Variants in NEBL observed in about 807,000 individuals in gnomAD.
NEBL encodes nebulette, also known as LIM and SH3 protein 2.
A neutral mutation model predicts 140.2 loss-of-function variants in NEBL; 122 were observed. The observed-to-expected ratio is 0.87, with a 90% confidence interval of 0.75 to 1.01. The LOEUF is 1.01. Ranked by LOEUF, NEBL falls within the 50% of genes least tolerant of loss-of-function variation. NEBL has a pLI of 0.00. For synonymous variants in NEBL, 436 were observed against 398.9 expected, an observed-to-expected ratio of 1.09 and a Z score of -1.11; for missense variants, 1,365 against 1,231.3, an observed-to-expected ratio of 1.11 and a Z score of -1.62.
intron 2 of NEBL, among the ~76,000 whole-genome samples, chr10:21,162,116 A>C (rs1353442424): frequency 6.6e-6 from 1 of 152,222 alleles, no homozygotes; most frequent in African/African-American, 2.4e-5. Flanking sequence ...AACTCTGGAT[A>C]CCAAAGATTG....
At chr10:20,965,742 A>G (rs376677907) in intron 3 of NEBL, among the ~76,000 whole-genome samples, 72 of 152,310 alleles carry the variant, frequency 4.7e-4, no homozygotes, top group African/African-American at 1.7e-3. Context: ...CAGACGCGAG[A>G]AGCCCAGGTA....
At chr10:21,269,754 T>C (rs1370864503) in intron 1 of NEBL, among the ~76,000 whole-genome samples, 1 of 152,202 alleles carries the variant, frequency 6.6e-6, no homozygotes, top group African/African-American at 2.4e-5. Context: ...TTTGCATATA[T>C]AGTGAGAGTA....
chr10:20,987,804 C>T (rs796546098), intron 3 of NEBL, among the ~76,000 whole-genome samples: 4 of 152,254 alleles, frequency 2.6e-5, no homozygotes, highest in African/African-American at 7.2e-5. Flanking sequence ...TACCAGCACC[C>T]CTTATTTTTC....
intron 4 of NEBL, among the ~76,000 whole-genome samples, chr10:20,902,345 G>A (rs1039231784): frequency 6.6e-6 from 1 of 152,012 alleles, no homozygotes; most frequent in Admixed American, 6.6e-5. Context: ...GGCAGAGCTT[G>A]CAGTGAGCCA....
chr10:21,270,110 A>G (rs1339447694), intron 1 of NEBL, among the ~76,000 whole-genome samples: 2 of 152,212 alleles, frequency 1.3e-5, no homozygotes, highest in East Asian at 3.8e-4. Flanking sequence ...TCCCCAAAGC[A>G]AAACTCTGGA....
Position 21,028,235 on chromosome 10 carries a change from CAAAAAA to C in NEBL, c.165-8040_165-8035del, listed in dbSNP as rs1168946872. ...GAGCGAGACTCCATCTCAAACATCT[CAAAAAA>C]AAAAAAAAAAAAAAAGAAGAAGAAG... On this transcript the variant is annotated intron_variant, in intron 2 of 6. Transcript: ENST00000417816. Among the ~76,000 whole-genome samples the C allele has an allele frequency of 4.4e-4, 29 of 66,226 alleles. 2 individuals are homozygous for C. Among genetic ancestry groups the C allele is most frequent in the Middle Eastern group, 0.01 (1 of 100 alleles). The allele number at this position is 66,226 out of a possible 152,430, so 43.4% of individuals were successfully genotyped here.
intron 7 of NEBL, among the ~76,000 whole-genome samples, chr10:20,865,365 C>T (rs11012366): frequency 0.026 from 3,983 of 152,248 alleles, 155 homozygotes; most frequent in African/African-American, 0.09. Flanking sequence ...AATACTGTTG[C>T]TGTCATCCCT....
intron 3 of NEBL, among the ~76,000 whole-genome samples, chr10:20,972,541 A>T (rs1017253391): frequency 2.2e-4 from 34 of 152,044 alleles, no homozygotes; most frequent in African/African-American, 7.7e-4. Flanking sequence ...TCAGGAGATC[A>T]AGACCATCCT....
At chr10:21,187,647 G>T (rs1005767987) in intron 3 of NEBL, among the ~76,000 whole-genome samples, 1 of 152,016 alleles carries the variant, frequency 6.6e-6, no homozygotes, top group Non-Finnish European at 1.5e-5. Context: ...CTGAGTAGCT[G>T]GGACTACAGG....
chr10:21,279,756 TAAAAAAAA>T (rs11327218), intron 1 of NEBL, among the ~76,000 whole-genome samples: 3 of 135,664 alleles, frequency 2.2e-5, no homozygotes, highest in African/African-American at 8.2e-5. Flanking sequence ...AGAATCCATA[TAAAAAAAA>T]AAAAAAAAAG....
intron 2 of NEBL, among the ~76,000 whole-genome samples, chr10:20,894,785 C>T (rs1472716971): frequency 6.7e-6 from 1 of 150,310 alleles, no homozygotes; most frequent in East Asian, 2.0e-4. Context: ...AAAAATTAGC[C>T]GGGCTTAGTG....
intron 3 of NEBL, among the ~76,000 whole-genome samples, chr10:21,224,009 T>C (rs892647680): frequency 5.3e-5 from 8 of 152,242 alleles, no homozygotes; most frequent in African/African-American, 1.9e-4. Flanking sequence ...AATGTTTCTT[T>C]GCTGTGCAGA....
At chr10:21,146,297 C>T (rs2132114370) in intron 2 of NEBL, 1 of 1,524,454 alleles carries the variant, frequency 6.6e-7, no homozygotes, top group Admixed American at 1.9e-5. Flanking sequence ...GGCCCTGTCT[C>T]AGCACACCCA....
At chr10:21,250,397 G>A (rs538255801) in intron 2 of NEBL, among the ~76,000 whole-genome samples, 1 of 152,144 alleles carries the variant, frequency 6.6e-6, no homozygotes, top group Non-Finnish European at 1.5e-5. Flanking sequence ...TCAGCTTTGG[G>A]ACTTGGACTG....
chr10:21,099,671 T>C (rs1241975427), intron 2 of NEBL, among the ~76,000 whole-genome samples: 1 of 152,162 alleles, frequency 6.6e-6, no homozygotes, highest in South Asian at 2.1e-4. Context: ...CTCATATGAG[T>C]GGCCAGCACA....
intron 2 of NEBL, chr10:21,113,292 A>AAAAAAAAAAAAAAAAAAC (rs1838127053): frequency 3.8e-6 from 1 of 264,842 alleles, no homozygotes; most frequent in Non-Finnish European, 7.2e-6. Context: ...GAGAATCCTA[A>AAAAAAAAAAAAAAAAAAC]AAAAAAAAAA....
chr10:20,858,840 G>A (rs1843372252), intron 8 of NEBL, among the ~76,000 whole-genome samples: 1 of 152,042 alleles, frequency 6.6e-6, no homozygotes, highest in East Asian at 1.9e-4. Flanking sequence ...TCCTTTATAT[G>A]TATTAAGTAT....
intron 3 of NEBL, among the ~76,000 whole-genome samples, chr10:21,008,857 G>T (rs1401466033): frequency 6.6e-6 from 1 of 151,896 alleles, no homozygotes; most frequent in African/African-American, 2.4e-5. Flanking sequence ...CAAATAAGGG[G>T]TGTCTACTGT....
At chr10:21,050,666 G>A (rs1354987247) in intron 2 of NEBL, among the ~76,000 whole-genome samples, 1 of 152,198 alleles carries the variant, frequency 6.6e-6, no homozygotes, top group African/African-American at 2.4e-5. Context: ...TTTGAAGATG[G>A]TGGCATCTGA....
Sources: allele counts gnomAD v4.1 joint callset (sites outside exome capture counted in the v4.1 genomes callset), GRCh38; gene constraint gnomAD v4.1.1; transcripts MANE v1.5; gene names NCBI Gene and HGNC (gene_info 2026-07-23, HGNC 2026-07-21).